The following KCND2 variants were observed in gnomAD, a reference collection of about 807,000 sequenced individuals.
The protein encoded by KCND2 is potassium voltage-gated channel subfamily D member 2, also known as A-type voltage-gated potassium channel KCND2.
KCND2 carries 16 observed loss-of-function variants against 54.4 expected under a neutral mutation model. The observed-to-expected ratio is 0.29, with a 90% CI of 0.20 to 0.45. The LOEUF (loss-of-function observed/expected upper bound fraction) is 0.45, where lower values mean the gene tolerates loss of function less well. Among genes scored for constraint, KCND2 ranks in the 20% least tolerant of loss-of-function variants. KCND2 has a pLI of 1.00. For missense variants in KCND2, 486 were observed against 824.2 expected, an observed-to-expected ratio of 0.59 and a Z score of 5.02; for synonymous variants, 317 against 310.7, an observed-to-expected ratio of 1.02 and a Z score of -0.21.
At chr7:120,614,805 C>T (rs1448113296) in intron 1 of KCND2, among the ~76,000 whole-genome samples, 1 of 152,070 alleles carries the variant, frequency 6.6e-6, no homozygotes, top group African/African-American at 2.4e-5. Context: ...GCAACATTTG[C>T]ATAATTTTTA....
intron 1 of KCND2, among the ~76,000 whole-genome samples, chr7:120,552,004 G>C (rs1792110507): frequency 6.6e-6 from 1 of 152,274 alleles, no homozygotes; most frequent in East Asian, 1.9e-4. Flanking sequence ...ATCCCAGTTT[G>C]ACAAAGAATA....
intron 1 of KCND2, among the ~76,000 whole-genome samples, chr7:120,542,437 G>C (rs918524335): frequency 3.3e-5 from 5 of 152,052 alleles, no homozygotes; most frequent in Non-Finnish European, 7.4e-5. Context: ...AAGTGTATAA[G>C]TTTTCAACTG....
At chr7:120,492,984 A>C (rs548737233) in intron 1 of KCND2, among the ~76,000 whole-genome samples, 131 of 152,060 alleles carry the variant, frequency 8.6e-4, no homozygotes, top group Middle Eastern at 3.4e-3. Context: ...AAAAACTGTA[A>C]GTACTGTCAT....
intron 1 of KCND2, among the ~76,000 whole-genome samples, chr7:120,339,052 TA>T (rs371421814): frequency 1.0e-4 from 14 of 138,660 alleles, no homozygotes; most frequent in East Asian, 5.8e-4. Context: ...GGCTAATTAT[TA>T]TTTTTTTTTT....
chr7:120,449,629 G>A (rs1321004519), intron 1 of KCND2, among the ~76,000 whole-genome samples: 1 of 152,138 alleles, frequency 6.6e-6, no homozygotes, highest in East Asian at 1.9e-4. Context: ...TGAAGACTTA[G>A]ATTTATTAAC....
intron 1 of KCND2, among the ~76,000 whole-genome samples, chr7:120,433,151 G>C (rs1436534470): frequency 6.6e-6 from 1 of 152,132 alleles, no homozygotes; most frequent in Non-Finnish European, 1.5e-5. Flanking sequence ...AATTGTACAT[G>C]TCCTTCTCAC....
chr7:120,678,343 TTATATATATATATA>T (rs3067141), intron 1 of KCND2, among the ~76,000 whole-genome samples: 1 of 120,274 alleles, frequency 8.3e-6, no homozygotes, highest in African/African-American at 3.2e-5. Flanking sequence ...GTATGATTAT[TTATATATATATATA>T]TATATATATA....
intron 1 of KCND2, among the ~76,000 whole-genome samples, chr7:120,627,132 A>G (rs1793173705): frequency 6.6e-6 from 1 of 152,236 alleles, no homozygotes; most frequent in Admixed American, 6.5e-5. Flanking sequence ...GCAACTGGAA[A>G]TTAAGTTCAC....
intron 1 of KCND2, among the ~76,000 whole-genome samples, chr7:120,492,479 T>G (rs1385738031): frequency 6.6e-6 from 1 of 152,014 alleles, no homozygotes; most frequent in East Asian, 1.9e-4. Flanking sequence ...GGGCAGCTTA[T>G]AAACAACAAA....
intron 1 of KCND2, among the ~76,000 whole-genome samples, chr7:120,628,231 T>G (rs1029324538): frequency 6.6e-5 from 10 of 152,226 alleles, no homozygotes; most frequent in African/African-American, 2.4e-4. Context: ...AGATTCTGAT[T>G]CAGTCTCCTC....
intron 1 of KCND2, among the ~76,000 whole-genome samples, chr7:120,337,859 G>A (rs991957306): frequency 1.3e-5 from 2 of 152,136 alleles, no homozygotes; most frequent in African/African-American, 2.4e-5. Flanking sequence ...ATGATCCTAA[G>A]ACACTGTATT....
intron 1 of KCND2, among the ~76,000 whole-genome samples, chr7:120,607,815 G>T (rs1003362826): frequency 1.3e-5 from 2 of 152,006 alleles, no homozygotes; most frequent in African/African-American, 2.4e-5. Context: ...GAATATGCAG[G>T]ATGGAGGAAG....
intron 1 of KCND2, among the ~76,000 whole-genome samples, chr7:120,404,597 C>T (rs143432492): frequency 2.0e-5 from 3 of 152,226 alleles, no homozygotes; most frequent in East Asian, 1.9e-4. Flanking sequence ...TCCTGATACC[C>T]GTGGAAGGCA....
intron 1 of KCND2, among the ~76,000 whole-genome samples, chr7:120,466,942 G>A (rs900580504): frequency 2.0e-5 from 3 of 152,032 alleles, no homozygotes; most frequent in Admixed American, 1.3e-4. Flanking sequence ...TTCAACCTCT[G>A]TGTCCACCAT....
chr7:120,717,519 A>T (rs1347050854), intron 1 of KCND2, among the ~76,000 whole-genome samples: 1 of 152,162 alleles, frequency 6.6e-6, no homozygotes, highest in Non-Finnish European at 1.5e-5. Flanking sequence ...ATAAGAGAGG[A>T]TACTGTAACT....
At chr7:120,723,572 G>A (rs916312481) in intron 1 of KCND2, among the ~76,000 whole-genome samples, 2 of 152,124 alleles carry the variant, frequency 1.3e-5, no homozygotes, top group African/African-American at 4.8e-5. Flanking sequence ...TGATGGCCAA[G>A]CTGAGCATGG....
intron 1 of KCND2, among the ~76,000 whole-genome samples, chr7:120,621,603 C>G (rs1480324426): frequency 6.6e-6 from 1 of 152,070 alleles, no homozygotes; most frequent in East Asian, 1.9e-4. Flanking sequence ...CTGATTATTA[C>G]AAAATGTTTT....
At position 120,505,236 on chromosome 7, in the gene KCND2, A is replaced by G. The variant is rs562320003; in HGVS notation, c.1116-227667A>G. On this transcript the variant is annotated intron_variant, in intron 1 of 5. Transcript: ENST00000331113. ...GCGTGAGGTGGCCAAAGATAACAAC[A>G]TTCTGTAACCTTCTAAATAGAAGAT... Among the ~76,000 whole-genome samples the G allele has an allele frequency of 5.3e-5, 8 of 151,862 alleles. No homozygotes were observed. In the South Asian group the frequency reaches 1.5e-3, roughly 28 times the overall value.
At chr7:120,320,888 G>T (rs1406341191) in intron 1 of KCND2, among the ~76,000 whole-genome samples, 1 of 152,098 alleles carries the variant, frequency 6.6e-6, no homozygotes, top group African/African-American at 2.4e-5. Context: ...TTCACTGGGG[G>T]TATATTAAGG....
Sources: allele counts gnomAD v4.1 joint callset (sites outside exome capture counted in the v4.1 genomes callset), GRCh38; gene constraint gnomAD v4.1.1; transcripts MANE v1.5; gene names NCBI Gene and HGNC (gene_info 2026-07-23, HGNC 2026-07-21).